Variants in PPP1R36 observed in about 807,000 individuals in gnomAD.
The protein encoded by PPP1R36 is chromosome 14 open reading frame 50.
A neutral mutation model predicts 53.4 loss-of-function variants in PPP1R36; 47 were observed. That is an observed-to-expected ratio of 0.88 (90% CI 0.70 to 1.12). The LOEUF is 1.12. Among genes scored for constraint, PPP1R36 ranks in the 50% most tolerant of loss-of-function variants. The pLI is 0.00. For missense variants in PPP1R36, 456 were observed against 513.9 expected (o/e 0.89, Z 1.09); for synonymous variants, 153 against 170.5 (o/e 0.90, Z 0.80).
chr14:64,570,624 A>G (rs918281719), intron 7 of PPP1R36, among the ~76,000 whole-genome samples: 4 of 152,264 alleles, frequency 2.6e-5, no homozygotes, highest in Non-Finnish European at 5.9e-5. Context: ...CACAGAAGAA[A>G]AAAACTGATT....
At chr14:64,554,382 C>A (rs1484285680) in intron 3 of PPP1R36, among the ~76,000 whole-genome samples, 1 of 152,026 alleles carries the variant, frequency 6.6e-6, no homozygotes, top group Non-Finnish European at 1.5e-5. Context: ...ATCTCCCGAC[C>A]TCAGGTGATC....
chr14:64,588,061 A>G, intron 10 of PPP1R36, 43 bp from the exon 11 acceptor site: 1 of 1,532,792 alleles, frequency 6.5e-7, no homozygotes, highest in Non-Finnish European at 8.8e-7. Flanking sequence ...CATTTCTAGA[A>G]AACAGGGTGA....
chr14:64,575,737 G>A (rs1190363285), intron 8 of PPP1R36, among the ~76,000 whole-genome samples: 1 of 151,250 alleles, frequency 6.6e-6, no homozygotes, highest in Admixed American at 6.6e-5. Flanking sequence ...TGCAAGCCCC[G>A]CCTCCTGGGT....
chr14:64,584,032 G>T (rs1413702351), intron 8 of PPP1R36, among the ~76,000 whole-genome samples: 6 of 151,112 alleles, frequency 4.0e-5, no homozygotes, highest in African/African-American at 1.5e-4. Flanking sequence ...CTCCCGAGTA[G>T]CTGGGATTAC....
At chr14:64,557,756 A>G (rs2080168426) in intron 3 of PPP1R36, among the ~76,000 whole-genome samples, 1 of 152,232 alleles carries the variant, frequency 6.6e-6, no homozygotes, top group Admixed American at 6.5e-5. Flanking sequence ...TCACGCCTGT[A>G]ATCCTAGCAT....
At chr14:64,587,551 C>G (rs576442617) in intron 10 of PPP1R36, among the ~76,000 whole-genome samples, 179 bp downstream of exon 10, 3 of 142,442 alleles carry the variant, frequency 2.1e-5, no homozygotes, top group Non-Finnish European at 4.5e-5. Flanking sequence ...ACGTCCGACT[C>G]CTGGGTTCAA....
At chr14:64,579,766 C>T (rs777328009) in intron 8 of PPP1R36, among the ~76,000 whole-genome samples, 19 of 150,510 alleles carry the variant, frequency 1.3e-4, no homozygotes, top group Non-Finnish European at 2.2e-4. Flanking sequence ...GTCAGGAGAT[C>T]GAGACCATCC....
intron 6 of PPP1R36, among the ~76,000 whole-genome samples, chr14:64,567,111 T>C (rs2080265097): frequency 6.6e-6 from 1 of 152,238 alleles, no homozygotes; most frequent in South Asian, 2.1e-4. Context: ...GAGTTATTAA[T>C]ATCTTGAAAA....
chr14:64,557,047 G>C (rs956228710), intron 3 of PPP1R36, among the ~76,000 whole-genome samples: 4 of 151,808 alleles, frequency 2.6e-5, no homozygotes, highest in African/African-American at 9.7e-5. Flanking sequence ...GCCCAGGCTG[G>C]TCTGGAACTT....
chr14:64,558,964 T>A (rs902322860), intron 3 of PPP1R36, among the ~76,000 whole-genome samples: 1 of 152,164 alleles, frequency 6.6e-6, no homozygotes, highest in Non-Finnish European at 1.5e-5. Flanking sequence ...TCAGTAGGTT[T>A]ACCAGTGAAT....
intron 7 of PPP1R36, among the ~76,000 whole-genome samples, chr14:64,568,765 TTTTA>T (rs2080280597): frequency 6.6e-6 from 1 of 152,222 alleles, no homozygotes; most frequent in Non-Finnish European, 1.5e-5. Flanking sequence ...TAATAGTGTC[TTTTA>T]TTTAACCCAG....
intron 11 of PPP1R36, chr14:64,588,515 T>G (rs1463107574): frequency 2.4e-6 from 1 of 425,276 alleles, no homozygotes; most frequent in Admixed American, 4.0e-5. Context: ...AAAGTGGTGC[T>G]AGACTCCAAA....
intron 3 of PPP1R36, among the ~76,000 whole-genome samples, chr14:64,553,943 C>A (rs545883124): frequency 6.6e-6 from 1 of 151,676 alleles, no homozygotes; most frequent in South Asian, 2.1e-4. Context: ...GGTGAGCCAG[C>A]CTGTTTTTGG....
intron 6 of PPP1R36, 111 bp from the exon 7 acceptor site, chr14:64,568,238 T>C (rs2080275682): frequency 4.8e-6 from 2 of 420,780 alleles, no homozygotes; most frequent in Non-Finnish European, 8.3e-6. Context: ...CATGATAACA[T>C]AGTTTTCTAC....
chr14:64,571,293 T>A (rs2080301545), intron 7 of PPP1R36, among the ~76,000 whole-genome samples: 1 of 151,990 alleles, frequency 6.6e-6, no homozygotes, highest in African/African-American at 2.4e-5. Context: ...GCCTGGCTAA[T>A]TTTTTATATT....
At chr14:64,552,716 A>T in intron 2 of PPP1R36, 98 bp from the exon 3 acceptor site, 1 of 852,292 alleles carries the variant, frequency 1.2e-6, no homozygotes, top group South Asian at 1.5e-5. Context: ...ACATTTTATT[A>T]GAGTCAAAAT....
Position 64,565,651 on chromosome 14 carries a change from T to TA in PPP1R36, c.394dup (p.Thr132AsnfsTer2). On this transcript the variant is annotated frameshift_variant, in exon 6 of 12. Transcript: ENST00000298705. LOFTEE classifies it high-confidence loss of function. ...TTGTTACTTTGCTTTTGCTACAAGA[T>TA]ACTGAGATGCAGCGGATCTGTTCTT... 1 of 1,613,928 alleles carries TA rather than the reference T, an allele frequency of 6.2e-7. No individual in the cohort carries two copies. Among genetic ancestry groups the TA allele is most frequent in the Non-Finnish European group, 8.5e-7 (1 of 1,179,798 alleles).
At chr14:64,573,125 C>T (rs2080315826) in intron 7 of PPP1R36, among the ~76,000 whole-genome samples, 1 of 152,144 alleles carries the variant, frequency 6.6e-6, no homozygotes, top group Non-Finnish European at 1.5e-5. Flanking sequence ...CTCACTTTTC[C>T]ATAAGAGTAC....
chr14:64,578,278 G>A (rs1334871493), intron 8 of PPP1R36, among the ~76,000 whole-genome samples: 1 of 152,170 alleles, frequency 6.6e-6, no homozygotes, highest in African/African-American at 2.4e-5. Context: ...CAAAAGTACA[G>A]TCAGTCCTCA....
Sources: allele counts gnomAD v4.1 joint callset (sites outside exome capture counted in the v4.1 genomes callset), GRCh38; gene constraint gnomAD v4.1.1; transcripts MANE v1.5; gene names NCBI Gene and HGNC (gene_info 2026-07-23, HGNC 2026-07-21).